Variants in DUOX2 observed in about 807,000 individuals in gnomAD.
DUOX2 encodes the protein dual oxidase 2, also known as NADH/NADPH thyroid oxidase p138-tox.
DUOX2 carries 185 observed loss-of-function variants against 183.3 expected under a neutral mutation model. The ratio of observed to expected loss-of-function variants is 1.01; its 90% CI spans 0.90 to 1.14. The LOEUF (loss-of-function observed/expected upper bound fraction) is 1.14. DUOX2 is among the 50% of genes most tolerant of loss of function. The pLI, the probability that DUOX2 is intolerant of heterozygous loss-of-function variation, is 0.00. For synonymous variants in DUOX2, 788 were observed against 812.4 expected (o/e 0.97, Z 0.51); for missense variants, 1,999 against 2,022.9 (o/e 0.99, Z 0.23).
In DUOX2 at chr15:45,099,034, G is replaced by A. The variant is rs1383493591; in HGVS notation, c.3515+349C>T. 9 of 207,510 alleles carry A rather than the reference G, an allele frequency of 4.3e-5. No homozygotes were observed. In the South Asian group the frequency reaches 5.8e-4, roughly 13 times the overall value. 12.9% of individuals were successfully genotyped at this position (207,510 alleles called of 1,614,324 possible). A position where few individuals can be genotyped will look rare whatever the true frequency, so the allele number is the denominator to read the frequency against. Reference sequence around the variant, plus strand: ...CTTTCTTTTTTTTTTTTTTTGAGACGGAGTCTCACTCTTTCGCCCAAGCTG... The same window carrying A: ...CTTTCTTTTTTTTTTTTTTTGAGACAGAGTCTCACTCTTTCGCCCAAGCTG... On this transcript the variant is annotated intron_variant, in intron 26 of 33. Transcript: ENST00000389039.
In DUOX2 at chr15:45,113,443, G is replaced by GGGTGGTA; in HGVS notation, c.-14-25_-14-19dup. On this transcript the variant is annotated intron_variant, in intron 1 of 33. Transcript: ENST00000389039. ...CCTGCAGCCTGCGGGGTGAGGGTGGGGGTGGTAGGTGGTATGCGAAAGCCA... is the reference window on the plus strand; with the variant it reads ...CCTGCAGCCTGCGGGGTGAGGGTGGGGGTGGTAGGTGGTAGGTGGTATGCGAAAGCCA... 6.5e-7 allele frequency: 1 copy of GGGTGGTA among 1,549,946 alleles called. No individual in the cohort carries two copies. Among genetic ancestry groups the GGGTGGTA allele is most frequent in the Middle Eastern group, 1.7e-4 (1 of 5,976 alleles).
At chr15:45,100,929 G>T in intron 22 of DUOX2, 91 bp from the exon 23 acceptor site, 1 of 888,526 alleles carries the variant, frequency 1.1e-6, no homozygotes, top group Middle Eastern at 2.7e-4. Flanking sequence ...GTAGGGAGTG[G>T]CTCCTGGTAC....
At chr15:45,112,478 C>A in intron 4 of DUOX2, 76 bp downstream of exon 4, 1 of 1,574,146 alleles carries the variant, frequency 6.4e-7, no homozygotes. Flanking sequence ...TGTGGACTCG[C>A]AGACGGGATC....
At chr15:45,094,915 G>A in intron 32 of DUOX2, 21 bp downstream of exon 32, 1 of 1,613,176 alleles carries the variant, frequency 6.2e-7, no homozygotes, top group East Asian at 2.2e-5. Flanking sequence ...AAGTTGCCCT[G>A]CCTGGCGGGC....
At chr15:45,095,360 C>T in intron 31 of DUOX2, 77 bp downstream of exon 31, 3 of 1,598,418 alleles carry the variant, frequency 1.9e-6, no homozygotes, top group South Asian at 2.2e-5. Flanking sequence ...GGAGCTTTCT[C>T]TCATGCTCCA....
chr15:45,097,521 A>G, intron 28 of DUOX2, 93 bp downstream of exon 28: 1 of 1,612,510 alleles, frequency 6.2e-7, no homozygotes, highest in South Asian at 1.1e-5. Flanking sequence ...TCAAAGTCTC[A>G]TTCTGAGATC....
rs372199473 is a variant in DUOX2, at chr15:45,112,982, C to A, written c.160+5G>T. Reference sequence around the variant, plus strand: ...CCCCAGCACGCCCGGGCCCCCAGAACGCACCAACAGCACCACGCTCGTGGT... The same window carrying A: ...CCCCAGCACGCCCGGGCCCCCAGAAAGCACCAACAGCACCACGCTCGTGGT... On this transcript the variant is annotated splice_donor_5th_base_variant and intron_variant, in intron 3 of 33. Coordinates refer to ENST00000389039, the MANE Select transcript of DUOX2 (RefSeq NM_001363711.2). 4 of 1,613,322 alleles carry A rather than the reference C, an allele frequency of 2.5e-6. No individual in the cohort carries two copies. Among genetic ancestry groups the A allele is most frequent in the Non-Finnish European group, 2.5e-6 (3 of 1,179,810 alleles).
intron 33 of DUOX2, 117 bp downstream of exon 33, chr15:45,094,446 G>T: frequency 3.3e-6 from 5 of 1,526,902 alleles, no homozygotes; most frequent in Non-Finnish European, 4.4e-6. Context: ...ACCTCATCCT[G>T]GGGCCAGGCA....
At chr15:45,098,285 G>A (rs1040165180) in intron 26 of DUOX2, among the ~76,000 whole-genome samples, 3 of 152,208 alleles carry the variant, frequency 2.0e-5, no homozygotes, top group Non-Finnish European at 4.4e-5. Context: ...TCTTACTGTG[G>A]TTGACCCCTG....
intron 4 of DUOX2, 142 bp downstream of exon 4, chr15:45,112,412 A>T: frequency 9.9e-7 from 1 of 1,008,922 alleles, no homozygotes; most frequent in Non-Finnish European, 1.4e-6. Flanking sequence ...TCCGAGATGA[A>T]GGCAGTCTCG....
intron 29 of DUOX2, 48 bp from the exon 30 acceptor site, chr15:45,096,108 G>A: frequency 6.6e-7 from 1 of 1,521,230 alleles, no homozygotes; most frequent in Non-Finnish European, 9.1e-7. Context: ...GCCTGCTCCT[G>A]GTACCTGAGG....
chr15:45,111,999 C>T (rs1297478902), intron 4 of DUOX2, 44 bp from the exon 5 acceptor site: 3 of 1,603,160 alleles, frequency 1.9e-6, no homozygotes, highest in South Asian at 2.2e-5. Context: ...GTCCGTATTG[C>T]GCCCTCCCCA....
At chr15:45,098,100 G>C (rs1893956958) in intron 26 of DUOX2, 42 bp from the exon 27 acceptor site, 1 of 1,585,788 alleles carries the variant, frequency 6.3e-7, no homozygotes, top group African/African-American at 1.3e-5. Flanking sequence ...TGGGGCAGGA[G>C]GGGCTCCAGC....
intron 21 of DUOX2, 70 bp downstream of exon 21, chr15:45,101,723 G>A: frequency 5.6e-6 from 9 of 1,603,396 alleles, no homozygotes; most frequent in Middle Eastern, 3.3e-4. Context: ...CCTGGGTCCT[G>A]CCCACCAGGA....
At chr15:45,101,383 TC>T in intron 21 of DUOX2, 109 bp from the exon 22 acceptor site, 1 of 958,388 alleles carries the variant, frequency 1.0e-6, no homozygotes. Context: ...GATCTCTGAC[TC>T]GAGTCCTGTT....
intron 11 of DUOX2, 40 bp downstream of exon 11, chr15:45,109,484 C>T: frequency 2.5e-6 from 4 of 1,596,194 alleles, no homozygotes; most frequent in Non-Finnish European, 2.6e-6. Flanking sequence ...CTCAGGCTTC[C>T]TGGTCCCTTA....
intron 26 of DUOX2, 66 bp downstream of exon 26, chr15:45,099,317 T>A: frequency 6.7e-7 from 1 of 1,498,882 alleles, no homozygotes; most frequent in Non-Finnish European, 9.3e-7. Flanking sequence ...GCCTGCCTAT[T>A]TCTTTTTCTA....
At chr15:45,107,324 G>C in intron 14 of DUOX2, 21 bp downstream of exon 14, 2 of 1,612,990 alleles carry the variant, frequency 1.2e-6, no homozygotes, top group African/African-American at 2.7e-5. Flanking sequence ...TCACTCACTT[G>C]TGTTCTCCCA....
chr15:45,105,902 T>C (rs1382129490), intron 17 of DUOX2, 74 bp from the exon 18 acceptor site: 2 of 1,584,114 alleles, frequency 1.3e-6, no homozygotes, highest in Non-Finnish European at 1.7e-6. Context: ...TCAATGGATC[T>C]TGGGTTGAGG....
Sources: allele counts gnomAD v4.1 joint callset (sites outside exome capture counted in the v4.1 genomes callset), GRCh38; gene constraint gnomAD v4.1.1; transcripts MANE v1.5; gene names NCBI Gene and HGNC (gene_info 2026-07-23, HGNC 2026-07-21).